COL8A1: variants seen among roughly 807,000 people sequenced by gnomAD.
COL8A1 encodes collagen type VIII alpha 1 chain.
A neutral mutation model predicts 42.7 loss-of-function variants in COL8A1; 21 were observed. The observed-to-expected ratio is 0.49, with a 90% confidence interval of 0.35 to 0.71. The LOEUF is 0.71. Among genes scored for constraint, COL8A1 ranks in the 30% least tolerant of loss-of-function variants. The pLI is 0.01. For missense variants in COL8A1, 788 were observed against 962.4 expected (o/e 0.82, Z 2.40); for synonymous variants, 367 against 369.1 (o/e 0.99, Z 0.06).
At chr3:99,759,339 GTAATT>G (rs1941321869) in intron 2 of COL8A1, among the ~76,000 whole-genome samples, 1 of 152,090 alleles carries the variant, frequency 6.6e-6, no homozygotes, top group African/African-American at 2.4e-5. Flanking sequence ...TATTTGCTAT[GTAATT>G]TCTCAGTTCT....
chr3:99,652,624 C>A (rs1937881998), intron 1 of COL8A1, among the ~76,000 whole-genome samples: 1 of 152,078 alleles, frequency 6.6e-6, no homozygotes, highest in African/African-American at 2.4e-5. Flanking sequence ...CAAAAGAAAG[C>A]GGACTGACCT....
At chr3:99,723,446 C>T (rs1282675857) in intron 1 of COL8A1, among the ~76,000 whole-genome samples, 1 of 152,018 alleles carries the variant, frequency 6.6e-6, no homozygotes, top group African/African-American at 2.4e-5. Flanking sequence ...AGCAATATTG[C>T]CCCTTAAAAC....
In COL8A1 at chr3:99,698,348, G is replaced by A. The variant is rs143057068; in HGVS notation, c.-128-46549G>A. ...TATATACCCAGTAATGGGATGGCTG[G>A]ATCAAATGGTATTTCTAGTTCTAGA... On this transcript the variant is annotated intron_variant, in intron 1 of 3. Transcript: ENST00000652472. 9.2e-3 allele frequency among the ~76,000 whole-genome samples: 1,404 copies of A among 152,264 alleles called. 23 individuals are homozygous for A. The highest frequency in any genetic ancestry group is 0.032 in the African/African-American group (1,326 of 41,526).
At chr3:99,773,815 G>GTATATATATATATATATATATTA (rs1941629810) in intron 2 of COL8A1, among the ~76,000 whole-genome samples, 1 of 35,914 alleles carries the variant, frequency 2.8e-5, no homozygotes, top group African/African-American at 1.1e-4. Context: ...ATATATGTGT[G>GTATATATATATATATATATATTA]TATATATATA....
At chr3:99,743,054 G>T (rs1023302600) in intron 1 of COL8A1, among the ~76,000 whole-genome samples, 6 of 152,182 alleles carry the variant, frequency 3.9e-5, no homozygotes, top group Admixed American at 6.5e-5. Context: ...ATTGAAGAAT[G>T]ATATAAGAGA....
intron 2 of COL8A1, 102 bp from the exon 3 acceptor site, chr3:99,790,578 A>G (rs988241725): frequency 1.1e-6 from 1 of 882,562 alleles, no homozygotes; most frequent in African/African-American, 1.7e-5. Flanking sequence ...TTCTGATGTT[A>G]AAGACTGTTT....
intron 1 of COL8A1, among the ~76,000 whole-genome samples, chr3:99,733,282 A>C (rs1405430657): frequency 6.7e-6 from 1 of 148,774 alleles, no homozygotes; most frequent in South Asian, 2.2e-4. Flanking sequence ...ATATCTCCCA[A>C]TGCTATCCCT....
chr3:99,682,542 T>C (rs1938918020), intron 1 of COL8A1, among the ~76,000 whole-genome samples: 1 of 152,150 alleles, frequency 6.6e-6, no homozygotes, highest in African/African-American at 2.4e-5. Flanking sequence ...TATAAATATT[T>C]TAAATCCTTA....
chr3:99,748,957 C>T (rs1188862441), intron 2 of COL8A1, among the ~76,000 whole-genome samples: 1 of 152,148 alleles, frequency 6.6e-6, no homozygotes, highest in Non-Finnish European at 1.5e-5. Context: ...TCCCATTAAA[C>T]ATTATGAATG....
At chr3:99,699,239 A>T (rs980286244) in intron 1 of COL8A1, among the ~76,000 whole-genome samples, 2 of 152,236 alleles carry the variant, frequency 1.3e-5, no homozygotes, top group African/African-American at 4.8e-5. Flanking sequence ...TACTCCAGCC[A>T]TTTCTCTCTC....
chr3:99,792,036 C>G (rs1942010440), intron 3 of COL8A1, among the ~76,000 whole-genome samples: 6 of 152,138 alleles, frequency 3.9e-5, no homozygotes, highest in Admixed American at 3.9e-4. Context: ...TGCTAGACAC[C>G]AGGGATTCCT....
In COL8A1 at chr3:99,796,156, A is replaced by G. The variant is rs1270658670; in HGVS notation, c.*20A>G. On this transcript the variant is annotated 3_prime_UTR_variant, in exon 4 of 4. Coordinates refer to ENST00000652472, the MANE Select transcript of COL8A1 (RefSeq NM_020351.4). Reference sequence around the variant, plus strand: ...ATGTAAAAACAAAAAAACAAAAAACAAAGAAAAGAAAGAGATTTTATAGAA... The same window carrying G: ...ATGTAAAAACAAAAAAACAAAAAACGAAGAAAAGAAAGAGATTTTATAGAA... 1 of 1,444,070 alleles carries G rather than the reference A, an allele frequency of 6.9e-7. No homozygotes were observed. Among genetic ancestry groups the G allele is most frequent in the Admixed American group, 2.4e-5 (1 of 41,828 alleles). The allele number at this position is 1,444,070 out of a possible 1,614,324, so 89.5% of individuals were successfully genotyped here.
chr3:99,696,961 C>A (rs944548932), intron 1 of COL8A1, among the ~76,000 whole-genome samples: 15 of 150,384 alleles, frequency 1.0e-4, no homozygotes, highest in African/African-American at 3.7e-4. Context: ...TAATCCCCAC[C>A]GGAAATATAC....
chr3:99,647,867 A>G (rs964089177), intron 1 of COL8A1, among the ~76,000 whole-genome samples: 6 of 152,036 alleles, frequency 3.9e-5, no homozygotes, highest in African/African-American at 1.5e-4. Flanking sequence ...CAGACCTCCC[A>G]CTCCATACAA....
rs576061705 is a variant in COL8A1 at position 99,654,683 on chromosome 3, G to A, written c.-129+16019G>A. Among the ~76,000 whole-genome samples the A allele has an allele frequency of 2.6e-5, 4 of 152,130 alleles. No individual in the cohort carries two copies. In the South Asian group the frequency reaches 6.2e-4, roughly 24 times the overall value. ...CATGCCTGTAGTCCCAGCCACTCAA[G>A]AAGCTGAAGTGGGAGGATCACTTTA... On this transcript the variant is annotated intron_variant, in intron 1 of 3. Transcript: ENST00000652472.
chr3:99,795,184 A>G lies in COL8A1; in HGVS notation c.1283A>G (p.Lys428Arg), dbSNP rs1228469558. ...GGGCCACAGGGGCCACCAGGTCCCA[A>G]GGGTGAGCCAGGGCTTCAAGGCTTC... ...IVGPQGPPGP[K>R]GEPGLQGFPG... The change falls in exon 4 of 4, where the codon AAG becomes AGG. Residue 428 changes from lysine (K) to arginine (R), a missense_variant. This residue lies in a region of COL8A1 where 421 missense variants were observed against 553.1 expected (regional missense o/e 0.76). Coordinates refer to ENST00000652472, the MANE Select transcript of COL8A1 (RefSeq NM_020351.4). 2 of 1,613,516 alleles carry G rather than the reference A, an allele frequency of 1.2e-6. No individual in the cohort carries two copies. The highest frequency in any genetic ancestry group is 1.3e-5 in the African/African-American group (1 of 74,816).
chr3:99,654,724 G>T (rs1414023571), intron 1 of COL8A1, among the ~76,000 whole-genome samples: 1 of 151,930 alleles, frequency 6.6e-6, no homozygotes, highest in African/African-American at 2.4e-5. Flanking sequence ...GGAGGTGGAG[G>T]CTGCAGTGAG....
In COL8A1 at chr3:99,798,968, GA is replaced by G. The variant is rs1394757106; in HGVS notation, c.*2835del. Reference sequence around the variant, plus strand: ...AAAATTAACCAGAATTCTTCCATGTGAAATGGACCAAACTCATATTATTGTT... The same window carrying G: ...AAAATTAACCAGAATTCTTCCATGTGAATGGACCAAACTCATATTATTGTT... On this transcript the variant is annotated 3_prime_UTR_variant, in exon 4 of 4. Transcript: ENST00000652472. 1 of 152,158 alleles carries G rather than the reference GA, an allele frequency of 6.6e-6. No individual in the cohort carries two copies. The highest frequency in any genetic ancestry group is 1.5e-5 in the Non-Finnish European group (1 of 68,030). 9.4% of individuals were successfully genotyped at this position (152,158 alleles called of 1,614,324 possible).
chr3:99,676,695 G>A (rs1051453386), intron 1 of COL8A1, among the ~76,000 whole-genome samples: 2 of 152,042 alleles, frequency 1.3e-5, no homozygotes. Context: ...TATGCTAGAG[G>A]TCCTATTGTG....
Sources: allele counts gnomAD v4.1 joint callset (sites outside exome capture counted in the v4.1 genomes callset), GRCh38; gene constraint gnomAD v4.1.1; regional missense constraint gnomAD v4.1.1; transcripts MANE v1.5; gene names NCBI Gene and HGNC (gene_info 2026-07-23, HGNC 2026-07-21).